AAK1: variants seen among roughly 807,000 people sequenced by gnomAD.
AAK1 encodes AP2-associated protein kinase 1.
In AAK1, 37 loss-of-function variants were observed where a neutral mutation model predicts 116.0. The ratio of observed to expected loss-of-function variants is 0.32; its 90% CI spans 0.25 to 0.42. AAK1 has a LOEUF of 0.42. AAK1 is among the 10% of genes least tolerant of loss of function. The pLI, the probability that AAK1 is intolerant of heterozygous loss-of-function variation, is 1.00. For missense variants in AAK1, 919 were observed against 1,170.6 expected (o/e 0.79, Z 3.14); for synonymous variants, 458 against 439.9 (o/e 1.04, Z -0.51).
At chr2:69,598,048 G>A (rs747463511) in intron 2 of AAK1, 1 of 477,976 alleles carries the variant, frequency 2.1e-6, no homozygotes, top group Non-Finnish European at 3.4e-6. Context: ...TGTGCTTAGA[G>A]GGTGAACACC....
chr2:69,599,398 ACT>A lies in AAK1; in HGVS notation c.164-42422_164-42421del, dbSNP rs371641643. ...TCTGTGTAAAAAAAAAAAAAAAAAA[ACT>A]TCACTGAAATTATACCAAACAAAAT... On this transcript the variant is annotated intron_variant, in intron 2 of 21. Coordinates refer to ENST00000409085, the MANE Select transcript of AAK1 (RefSeq NM_014911.5). 1.4e-3 allele frequency among the ~76,000 whole-genome samples: 207 copies of A among 149,016 alleles called. 8 individuals are homozygous for A. The highest frequency in any genetic ancestry group is 6.2e-3 in the East Asian group (31 of 5,008).
chr2:69,561,800 C>T (rs1317720176), intron 2 of AAK1, among the ~76,000 whole-genome samples: 2 of 152,158 alleles, frequency 1.3e-5, no homozygotes, highest in Non-Finnish European at 1.5e-5. Flanking sequence ...TGCTTTCCAT[C>T]CCTATAGTTT....
At position 69,474,487 on chromosome 2, in the gene AAK1, AT is replaced by A. The variant is rs1192857357; in HGVS notation, c.*1381del. 1.0e-6 allele frequency: 1 copy of A among 985,202 alleles called. No individual in the cohort carries two copies. The highest frequency in any genetic ancestry group is 1.2e-6 in the Non-Finnish European group (1 of 829,638). The allele number at this position is 985,202 out of a possible 1,614,324, so 61.0% of individuals were successfully genotyped here. A position where few individuals can be genotyped will look rare whatever the true frequency, so the allele number is the denominator to read the frequency against. On this transcript the variant is annotated 3_prime_UTR_variant, in exon 22 of 22. Coordinates refer to ENST00000409085, the MANE Select transcript of AAK1 (RefSeq NM_014911.5). ...TTGTCATGTTAGTGCAGGGGCCTTT[AT>A]TTATTTTATGAACAATATCCTAAAG... is the stretch of plus-strand genomic sequence containing the variant.
intron 2 of AAK1, among the ~76,000 whole-genome samples, chr2:69,590,494 G>C (rs750760653): frequency 1.1e-4 from 16 of 152,234 alleles, no homozygotes; most frequent in Non-Finnish European, 2.1e-4. Context: ...CTGGAGGACA[G>C]AGCCAGGGCA....
chr2:69,552,981 G>A (rs1175603811), intron 3 of AAK1, among the ~76,000 whole-genome samples: 1 of 151,976 alleles, frequency 6.6e-6, no homozygotes, highest in East Asian at 1.9e-4. Context: ...CTGGAATGTG[G>A]AGCAAAATGA....
At chr2:69,583,769 GC>G (rs1299984154) in intron 2 of AAK1, among the ~76,000 whole-genome samples, 2 of 152,232 alleles carry the variant, frequency 1.3e-5, no homozygotes, top group East Asian at 3.9e-4. Flanking sequence ...CTCACTAGGT[GC>G]CATGAGCATT....
chr2:69,518,829 T>TG (rs932189157), intron 12 of AAK1, 125 bp downstream of exon 12: 18 of 1,354,604 alleles, frequency 1.3e-5, no homozygotes, highest in African/African-American at 2.9e-5. Flanking sequence ...TGCTTTAGTA[T>TG]CTACATCTAT....
At chr2:69,487,111 A>G (rs972931678) in intron 17 of AAK1, among the ~76,000 whole-genome samples, 5 of 152,214 alleles carry the variant, frequency 3.3e-5, no homozygotes, top group African/African-American at 1.2e-4. Context: ...TGGTTTAACT[A>G]AAGTTTTGAT....
chr2:69,531,864 C>G, intron 6 of AAK1, 177 bp downstream of exon 6: 1 of 1,280,810 alleles, frequency 7.8e-7, no homozygotes, highest in Non-Finnish European at 1.0e-6. Flanking sequence ...TGCCTGTAAA[C>G]CCCCTCCTCA....
At position 69,514,758 on chromosome 2, in the gene AAK1, G is replaced by A; in HGVS notation, c.1498-9C>T. 3 of 1,565,748 alleles carry A rather than the reference G, an allele frequency of 1.9e-6. No homozygotes were observed. Among genetic ancestry groups the A allele is most frequent in the Non-Finnish European group, 1.7e-6 (2 of 1,154,724 alleles). On this transcript the variant is annotated splice_polypyrimidine_tract_variant and intron_variant, in intron 12 of 21. Coordinates refer to ENST00000409085, the MANE Select transcript of AAK1 (RefSeq NM_014911.5). ...GGATGTACTGCCTGAAACTGAGCAAGAAATGAGGAGATGAATAAGGGCCTG... is the reference window on the plus strand; with the variant it reads ...GGATGTACTGCCTGAAACTGAGCAAAAAATGAGGAGATGAATAAGGGCCTG...
chr2:69,635,200 G>T (rs13424994), intron 2 of AAK1, among the ~76,000 whole-genome samples: 17,770 of 152,082 alleles, frequency 0.12, 2,334 homozygotes, highest in African/African-American at 0.31. Flanking sequence ...AACAAGATGC[G>T]TGACATCACA....
At chr2:69,516,007 T>A (rs1676565881) in intron 12 of AAK1, among the ~76,000 whole-genome samples, 2 of 152,168 alleles carry the variant, frequency 1.3e-5, no homozygotes, top group African/African-American at 4.8e-5. Flanking sequence ...CCACTATATA[T>A]GGGTTGGTGG....
In AAK1 at chr2:69,613,954, T is replaced by A. The variant is rs1269040505; in HGVS notation, c.163+28924A>T. ...AATGGGGGCAGTCTTGAGCCCTTAATCTGTAAAATCTGAAGCTAACTCCAA... is the reference window on the plus strand; with the variant it reads ...AATGGGGGCAGTCTTGAGCCCTTAAACTGTAAAATCTGAAGCTAACTCCAA... On this transcript the variant is annotated intron_variant, in intron 2 of 21. Coordinates refer to ENST00000409085, the MANE Select transcript of AAK1 (RefSeq NM_014911.5). Among the ~76,000 whole-genome samples the A allele has an allele frequency of 2.0e-5, 3 of 152,222 alleles. No homozygotes were observed. In the East Asian group the frequency reaches 5.8e-4, roughly 29 times the overall value.
At chr2:69,517,305 C>A (rs768722778) in intron 12 of AAK1, among the ~76,000 whole-genome samples, 6 of 152,080 alleles carry the variant, frequency 3.9e-5, no homozygotes. Context: ...TGGAAAACGT[C>A]CAGCCCTCAA....
chr2:69,630,012 G>A (rs1016175324), intron 2 of AAK1, among the ~76,000 whole-genome samples: 2 of 152,042 alleles, frequency 1.3e-5, no homozygotes, highest in African/African-American at 2.4e-5. Context: ...TCCCAGCTGC[G>A]GGGAACACCA....
At chr2:69,533,351 C>A (rs892674734) in intron 5 of AAK1, among the ~76,000 whole-genome samples, 1 of 152,082 alleles carries the variant, frequency 6.6e-6, no homozygotes, top group African/African-American at 2.4e-5. Flanking sequence ...GTGTGTCAGG[C>A]GCAAGATAGG....
intron 2 of AAK1, among the ~76,000 whole-genome samples, chr2:69,636,203 A>G (rs1675438803): frequency 6.6e-6 from 1 of 151,468 alleles, no homozygotes; most frequent in Admixed American, 6.6e-5. Context: ...ATTTCTACTA[A>G]AAAAAAACCT....
intron 17 of AAK1, among the ~76,000 whole-genome samples, chr2:69,484,316 G>A (rs1675205183): frequency 6.6e-6 from 1 of 152,114 alleles, no homozygotes; most frequent in African/African-American, 2.4e-5. Context: ...AACTACACAG[G>A]TCAAACAAAA....
chr2:69,602,211 T>C (rs530098779), intron 2 of AAK1, among the ~76,000 whole-genome samples: 1 of 152,318 alleles, frequency 6.6e-6, no homozygotes, highest in Admixed American at 6.5e-5. Context: ...CTAAACACAA[T>C]GTTTGATCCC....
Sources: gnomAD v4.1 joint callset for allele counts (sites outside exome capture counted in the v4.1 genomes callset) on GRCh38, gnomAD v4.1.1 for gene constraint, MANE v1.5 for transcripts, NCBI Gene and HGNC (gene_info 2026-07-23, HGNC 2026-07-21) for gene names.